IL21R: variants seen among roughly 807,000 people sequenced by gnomAD.
IL21R encodes the protein interleukin 21 receptor.
A neutral mutation model predicts 41.3 loss-of-function variants in IL21R; 14 were observed. The ratio of observed to expected loss-of-function variants is 0.34; its 90% confidence interval spans 0.22 to 0.53. The LOEUF (loss-of-function observed/expected upper bound fraction) is 0.53, where lower values mean the gene tolerates loss of function less well. Among genes scored for constraint, IL21R ranks in the 20% least tolerant of loss-of-function variants. The pLI is 0.94. For missense variants in IL21R, 588 were observed against 681.6 expected, an observed-to-expected ratio of 0.86 and a Z score of 1.53; for synonymous variants, 286 against 287.6, an observed-to-expected ratio of 0.99 and a Z score of 0.05.
rs2189521 is a variant in IL21R, at chr16:27,402,245, C to T, written c.-390C>T. On this transcript the variant is annotated 5_prime_UTR_variant, in exon 1 of 9. Transcript: ENST00000337929. Reference sequence around the variant, plus strand: ...CACTGGCGTCTCTCTGCTGAGTGACCGTAAGCTCGGCGTCTGGCCCTCTGC... The same window carrying T: ...CACTGGCGTCTCTCTGCTGAGTGACTGTAAGCTCGGCGTCTGGCCCTCTGC... The T allele has an allele frequency of 0.68, 104,074 of 152,352 alleles. 36,163 individuals carry two copies. The highest frequency in any genetic ancestry group is 0.81 in the African/African-American group (33,547 of 41,530). 9.4% of individuals were successfully genotyped at this position (152,352 alleles called of 1,614,324 possible).
chr16:27,407,900 C>T (rs942477246), intron 1 of IL21R, among the ~76,000 whole-genome samples: 8 of 152,152 alleles, frequency 5.3e-5, no homozygotes, highest in African/African-American at 1.9e-4. Context: ...CCCTAAAGCT[C>T]CAGAAAAATG....
At chr16:27,406,689 A>G (rs1464424137) in intron 1 of IL21R, among the ~76,000 whole-genome samples, 3 of 146,094 alleles carry the variant, frequency 2.1e-5, no homozygotes, top group East Asian at 3.9e-4. Context: ...GCCACTGGCG[A>G]AAAAAAAAAA....
At chr16:27,418,530 G>A (rs1055053399) in intron 1 of IL21R, among the ~76,000 whole-genome samples, 2 of 151,806 alleles carry the variant, frequency 1.3e-5, no homozygotes, top group Non-Finnish European at 2.9e-5. Context: ...CACCACGCTC[G>A]GCTAATTTTT....
At chr16:27,428,702 A>C (rs1308200307) in intron 1 of IL21R, among the ~76,000 whole-genome samples, 1 of 152,206 alleles carries the variant, frequency 6.6e-6, no homozygotes, top group Non-Finnish European at 1.5e-5. Flanking sequence ...CTCTTTCTGG[A>C]TAAACTCACT....
At chr16:27,413,534 A>T (rs1237830842) in intron 1 of IL21R, among the ~76,000 whole-genome samples, 2 of 149,368 alleles carry the variant, frequency 1.3e-5, no homozygotes, top group Non-Finnish European at 3.0e-5. Context: ...TGATTCTTTA[A>T]GTATTTGGTA....
In IL21R at chr16:27,434,548, C is replaced by T. The variant is rs3093326; in HGVS notation, c.152+99C>T. On this transcript the variant is annotated intron_variant, in intron 3 of 8. Coordinates refer to ENST00000337929, the MANE Select transcript of IL21R (RefSeq NM_181078.3). ...ACTGTGCACTGAGGACCACTGTGTCCGCCTTTCAGACAACCACTCAGGGCT... is the reference window on the plus strand; with the variant it reads ...ACTGTGCACTGAGGACCACTGTGTCTGCCTTTCAGACAACCACTCAGGGCT... 1.7e-3 allele frequency: 1,326 copies of T among 761,842 alleles called. 16 individuals carry two copies. The African/African-American group carries it at 0.019, about 11-fold the overall frequency. 47.2% of individuals were successfully genotyped at this position (761,842 alleles called of 1,614,324 possible).
At chr16:27,405,478 C>T (rs1237433796) in intron 1 of IL21R, among the ~76,000 whole-genome samples, 1 of 152,228 alleles carries the variant, frequency 6.6e-6, no homozygotes, top group Non-Finnish European at 1.5e-5. Context: ...CCCCCTTTTA[C>T]AGATGGGGAA....
rs2087294761 is a variant in IL21R, at chr16:27,437,570, T to C, written c.235T>C (p.Tyr79His). The C allele has an allele frequency of 6.2e-7, 1 of 1,614,220 alleles. No individual in the cohort carries two copies. The highest frequency in any genetic ancestry group is 8.5e-7 in the Non-Finnish European group (1 of 1,180,020). Residue 79 changes from tyrosine (Y) to histidine (H), a missense_variant, in exon 4 of 9, where the codon TAC becomes CAC. Transcript: ENST00000337929. ...RSAHNATHAT[Y>H]TCHMDVFHFM... ...GGCCCACAATGCCACGCATGCCACCTACACCTGCCACATGGATGTATTCCA... is the reference window on the plus strand; with the variant it reads ...GGCCCACAATGCCACGCATGCCACCCACACCTGCCACATGGATGTATTCCA...
In IL21R at chr16:27,444,732, C is replaced by T. The variant is rs376225149; in HGVS notation, c.685+13C>T. On this transcript the variant is annotated intron_variant, in intron 6 of 8. Coordinates refer to ENST00000337929, the MANE Select transcript of IL21R (RefSeq NM_181078.3). The stretch of plus-strand genomic sequence containing the variant: ...ACCCAGTCAGAGGGTAGGTGTGAAG[C>T]TGGGATGGACACCCCACTCCTGGTA... 1 of 1,474,694 alleles carries T rather than the reference C, an allele frequency of 6.8e-7. No homozygotes were observed. The highest frequency in any genetic ancestry group is 2.5e-5 in the East Asian group (1 of 39,292). 91.4% of individuals were successfully genotyped at this position (1,474,694 alleles called of 1,614,324 possible).
chr16:27,438,668 G>T (rs1255027421), intron 4 of IL21R, among the ~76,000 whole-genome samples: 1 of 152,156 alleles, frequency 6.6e-6, no homozygotes, highest in Non-Finnish European at 1.5e-5. Flanking sequence ...AGGTGTTCGA[G>T]ACCAGCCTGG....
chr16:27,446,191 G>T, intron 8 of IL21R, 103 bp downstream of exon 8: 1 of 842,300 alleles, frequency 1.2e-6, no homozygotes, highest in South Asian at 1.8e-5. Flanking sequence ...CACAGGCCTA[G>T]AGCATCCAGG....
chr16:27,402,323 C>T lies in IL21R; in HGVS notation c.-312C>T, dbSNP rs1057042258. On this transcript the variant is annotated 5_prime_UTR_variant, in exon 1 of 9. Coordinates refer to ENST00000337929, the MANE Select transcript of IL21R (RefSeq NM_181078.3). ...CCACGCAGCTGTGTCTGTCTGTCTG[C>T]GGCCCGTGCATCCCTGCTGCGGCCG... is the stretch of plus-strand genomic sequence containing the variant. 1 of 152,598 alleles carries T rather than the reference C, an allele frequency of 6.6e-6. No individual in the cohort carries two copies. The highest frequency in any genetic ancestry group is 3.4e-3 in the Middle Eastern group (1 of 296). The allele number at this position is 152,598 out of a possible 1,614,324, so 9.5% of individuals were successfully genotyped here.
intron 5 of IL21R, among the ~76,000 whole-genome samples, chr16:27,443,436 G>A (rs2087426011): frequency 6.6e-6 from 1 of 152,154 alleles, no homozygotes; most frequent in Non-Finnish European, 1.5e-5. Flanking sequence ...CAACCTGGAA[G>A]CTTCCCAATT....
chr16:27,451,194 T>C lies in IL21R; in HGVS notation c.*1911T>C, dbSNP rs1371338231. 2 of 228,356 alleles carry C rather than the reference T, an allele frequency of 8.8e-6. No homozygotes were observed. The highest frequency in any genetic ancestry group is 1.2e-4 in the East Asian group (2 of 16,416). 14.1% of individuals were successfully genotyped at this position (228,356 alleles called of 1,614,324 possible). ...ATGTGCTGTGGTTTTCACACCTTCTTGGGGGCAACAGGTTCCAGGAGCCAC... is the reference window on the plus strand; with the variant it reads ...ATGTGCTGTGGTTTTCACACCTTCTCGGGGGCAACAGGTTCCAGGAGCCAC... On this transcript the variant is annotated 3_prime_UTR_variant, in exon 9 of 9. Transcript: ENST00000337929.
chr16:27,439,522 GCA>G (rs1170298578), intron 4 of IL21R, among the ~76,000 whole-genome samples: 23 of 148,790 alleles, frequency 1.5e-4, no homozygotes, highest in African/African-American at 5.3e-4. Flanking sequence ...TCACACGTGT[GCA>G]CACACGCACA....
In IL21R at chr16:27,431,353, G is replaced by A. The variant is rs3093309; in HGVS notation, c.49+1233G>A. ...CCTGGCTGCATGCAAAGCTCGGAGC[G>A]TCATCCCATTCCACTGTCCCAACAG... On this transcript the variant is annotated intron_variant, in intron 2 of 8. Coordinates refer to ENST00000337929, the MANE Select transcript of IL21R (RefSeq NM_181078.3). Among the ~76,000 whole-genome samples, 906 of 152,282 alleles carry A rather than the reference G, an allele frequency of 5.9e-3. 10 individuals carry two copies. Among genetic ancestry groups the A allele is most frequent in the African/African-American group, 0.02 (829 of 41,558 alleles).
chr16:27,440,248 T>TATATATATATATATATAGAGAGAG (rs1352160946), intron 4 of IL21R, among the ~76,000 whole-genome samples: 2 of 64,040 alleles, frequency 3.1e-5, no homozygotes, highest in African/African-American at 8.8e-5. Flanking sequence ...TATATATATA[T>TATATATATATATATATAGAGAGAG]AGAGAGAGAG....
At chr16:27,433,617 AAC>A (rs1480948657) in intron 2 of IL21R, among the ~76,000 whole-genome samples, 1 of 152,236 alleles carries the variant, frequency 6.6e-6, no homozygotes, top group Non-Finnish European at 1.5e-5. Context: ...CCTGTTTTAG[AAC>A]ACAGCGAAAC....
At chr16:27,413,300 A>C (rs2086847278) in intron 1 of IL21R, among the ~76,000 whole-genome samples, 2 of 152,160 alleles carry the variant, frequency 1.3e-5, no homozygotes, top group Admixed American at 1.3e-4. Flanking sequence ...TGAATTCTGC[A>C]GATAAATCCT....
Sources: gnomAD v4.1 joint callset for allele counts (sites outside exome capture counted in the v4.1 genomes callset) on GRCh38, gnomAD v4.1.1 for gene constraint, MANE v1.5 for transcripts, NCBI Gene and HGNC (gene_info 2026-07-23, HGNC 2026-07-21) for gene names.